MIPOL1: variants seen among roughly 807,000 people sequenced by gnomAD.
MIPOL1 encodes mirror-image polydactyly 1.
A neutral mutation model predicts 60.9 loss-of-function variants in MIPOL1; 57 were observed. The observed-to-expected ratio is 0.94, with a 90% confidence interval of 0.76 to 1.17. MIPOL1 has a LOEUF of 1.17. Ranked by LOEUF, MIPOL1 falls within the 50% of genes most tolerant of loss-of-function variation. MIPOL1 has a pLI of 0.00. For synonymous variants in MIPOL1, 179 were observed against 168.8 expected (o/e 1.06, Z -0.47); for missense variants, 551 against 511.6 (o/e 1.08, Z -0.74).
chr14:37,431,596 T>TTTG (rs2094069112), intron 11 of MIPOL1, among the ~76,000 whole-genome samples: 1 of 140,972 alleles, frequency 7.1e-6, no homozygotes, highest in Non-Finnish European at 1.5e-5. Context: ...TTTTTTTTTT[T>TTTG]GAGACAGAGT....
At chr14:37,347,056 A>G (rs2090996761) in intron 9 of MIPOL1, among the ~76,000 whole-genome samples, 1 of 152,178 alleles carries the variant, frequency 6.6e-6, no homozygotes, top group South Asian at 2.1e-4. Context: ...AGCAAGAGAT[A>G]CAAAACCAAT....
intron 10 of MIPOL1, chr14:37,401,892 G>A (rs1284042418): frequency 6.6e-6 from 1 of 152,062 alleles, no homozygotes; most frequent in Non-Finnish European, 1.5e-5. Flanking sequence ...TAAAAAATAT[G>A]GCATGGAACT....
intron 5 of MIPOL1, 36 bp from the exon 6 acceptor site, chr14:37,270,384 A>G (rs746007254): frequency 8.6e-7 from 1 of 1,157,554 alleles, no homozygotes; most frequent in Non-Finnish European, 1.2e-6. Context: ...GACATTTGTC[A>G]AATAAGAATC....
chr14:37,266,954 T>C lies in MIPOL1; in HGVS notation c.36T>C (p.Tyr12=), dbSNP rs769100148. The C allele has an allele frequency of 1.2e-5, 19 of 1,611,546 alleles. No individual in the cohort carries two copies. The East Asian group carries it at 2.0e-4, about 17-fold the overall frequency. The stretch of plus-strand genomic sequence containing the variant: ...TAAATACAGACATAACCCACAGTTA[T>C]CTTGAACAAGAAACTACGGGGATAA... ...ENWSKDITHS[Y]LEQETTGINK... Residue 12 remains tyrosine, a synonymous_variant, in exon 4 of 13, where the codon TAT becomes TAC. Coordinates refer to ENST00000684589, the MANE Select transcript of MIPOL1 (RefSeq NM_001388067.1).
chr14:37,411,376 G>A (rs2093678610), intron 10 of MIPOL1, among the ~76,000 whole-genome samples: 1 of 152,050 alleles, frequency 6.6e-6, no homozygotes, highest in Non-Finnish European at 1.5e-5. Flanking sequence ...TTCTAGAAAA[G>A]CGTGTATTTT....
intron 3 of MIPOL1, among the ~76,000 whole-genome samples, chr14:37,253,703 T>C (rs1347454708): frequency 9.9e-5 from 15 of 151,750 alleles, no homozygotes; most frequent in Non-Finnish European, 2.2e-4. Context: ...TTTTAGGAAG[T>C]CTATTTTCTT....
In MIPOL1 at chr14:37,524,558, TC is replaced by T. The variant is rs370000619; in HGVS notation, c.1263-22346del. On this transcript the variant is annotated intron_variant, in intron 12 of 12. Coordinates refer to ENST00000684589, the MANE Select transcript of MIPOL1 (RefSeq NM_001388067.1). The stretch of plus-strand genomic sequence containing the variant: ...ATGTTCTTCTTGACATCTTAATTTT[TC>T]TTTTTCTTTTCTTTTTTTTTTTTTT... Among the ~76,000 whole-genome samples, 113 of 18,924 alleles carry T rather than the reference TC, an allele frequency of 6.0e-3. 12 individuals carry two copies. Among genetic ancestry groups the T allele is most frequent in the East Asian group, 0.038 (5 of 132 alleles). The allele number at this position is 18,924 out of a possible 152,430, so 12.4% of individuals were successfully genotyped here. A position where few individuals can be genotyped will look rare whatever the true frequency, so the allele number is the denominator to read the frequency against.
intron 11 of MIPOL1, among the ~76,000 whole-genome samples, chr14:37,431,098 G>A (rs535014393): frequency 6.6e-6 from 1 of 152,246 alleles, no homozygotes; most frequent in East Asian, 1.9e-4. Context: ...CTAATTATAG[G>A]TCCTGGAATT....
At chr14:37,426,119 A>G (rs1224335549) in intron 11 of MIPOL1, among the ~76,000 whole-genome samples, 1 of 152,162 alleles carries the variant, frequency 6.6e-6, no homozygotes, top group African/African-American at 2.4e-5. Context: ...AAGAATTCTT[A>G]TAGAGCAAGA....
chr14:37,458,925 A>C (rs958493998), intron 11 of MIPOL1, among the ~76,000 whole-genome samples: 1 of 152,024 alleles, frequency 6.6e-6, no homozygotes, highest in African/African-American at 2.4e-5. Flanking sequence ...TCCTTGGATA[A>C]ATGACAAAAT....
chr14:37,474,131 T>C (rs541124393), intron 11 of MIPOL1, among the ~76,000 whole-genome samples: 5 of 152,352 alleles, frequency 3.3e-5, no homozygotes, highest in Non-Finnish European at 7.3e-5. Context: ...TATTCCATTG[T>C]ACAGACACAT....
intron 9 of MIPOL1, among the ~76,000 whole-genome samples, chr14:37,311,051 C>A (rs571598383): frequency 6.6e-6 from 1 of 152,140 alleles, no homozygotes; most frequent in Non-Finnish European, 1.5e-5. Flanking sequence ...AGCCTGATTT[C>A]TCAGTGTTTT....
intron 1 of MIPOL1, among the ~76,000 whole-genome samples, chr14:37,203,482 A>G (rs540331179): frequency 6.6e-6 from 1 of 152,296 alleles, no homozygotes; most frequent in African/African-American, 2.4e-5. Flanking sequence ...TACCTGTGAT[A>G]GGGAGCCTTC....
rs1362162974 is a variant in MIPOL1, at chr14:37,308,306, T to C, written c.658-43T>C. The C allele has an allele frequency of 2.1e-6, 3 of 1,426,546 alleles. No individual in the cohort carries two copies. In the African/African-American group the frequency reaches 4.3e-5, roughly 21 times the overall value. The allele number at this position is 1,426,546 out of a possible 1,614,324, so 88.4% of individuals were successfully genotyped here. On this transcript the variant is annotated intron_variant, in intron 8 of 12. Transcript: ENST00000684589. Reference sequence around the variant, plus strand: ...TTAAAACCCTATATTAAATAAAATATATTAAAACTTCATGTCTGACTAACA... The same window carrying C: ...TTAAAACCCTATATTAAATAAAATACATTAAAACTTCATGTCTGACTAACA...
intron 12 of MIPOL1, among the ~76,000 whole-genome samples, chr14:37,532,422 A>G (rs1268647047): frequency 2.0e-5 from 3 of 152,212 alleles, no homozygotes; most frequent in Non-Finnish European, 4.4e-5. Flanking sequence ...CGCATAAAGA[A>G]AAGATGTATG....
At chr14:37,206,375 G>C (rs564354953) in intron 1 of MIPOL1, among the ~76,000 whole-genome samples, 4 of 152,142 alleles carry the variant, frequency 2.6e-5, no homozygotes, top group Non-Finnish European at 5.9e-5. Context: ...CAAGAACTGG[G>C]GTTTGCAAAT....
chr14:37,229,065 A>G (rs1970221471), intron 1 of MIPOL1, among the ~76,000 whole-genome samples: 1 of 152,246 alleles, frequency 6.6e-6, no homozygotes, highest in Non-Finnish European at 1.5e-5. Context: ...TTATTTAAAC[A>G]TATATATACT....
intron 12 of MIPOL1, among the ~76,000 whole-genome samples, chr14:37,516,136 T>A (rs1463762154): frequency 6.6e-6 from 1 of 152,214 alleles, no homozygotes; most frequent in Non-Finnish European, 1.5e-5. Context: ...TGTGGGGTTT[T>A]ATAAAATGGC....
rs2093921223 is a variant in MIPOL1, at chr14:37,424,086, G to T, written c.1031+1137G>T. 2.6e-5 allele frequency among the ~76,000 whole-genome samples: 4 copies of T among 152,102 alleles called. No homozygotes were observed. The East Asian group carries it at 7.7e-4, about 29-fold the overall frequency. Reference sequence around the variant, plus strand: ...ATACTGTAGTTCCATAAGAGTTGGTGAAAATAAAGATATAATTCTTTCCCA... The same window carrying T: ...ATACTGTAGTTCCATAAGAGTTGGTTAAAATAAAGATATAATTCTTTCCCA... On this transcript the variant is annotated intron_variant, in intron 11 of 12. Coordinates refer to ENST00000684589, the MANE Select transcript of MIPOL1 (RefSeq NM_001388067.1).
Sources: gnomAD v4.1 joint callset for allele counts (sites outside exome capture counted in the v4.1 genomes callset) on GRCh38, gnomAD v4.1.1 for gene constraint, MANE v1.5 for transcripts, NCBI Gene and HGNC (gene_info 2026-07-23, HGNC 2026-07-21) for gene names.